The following HIBADH variants were observed in gnomAD, a reference collection of about 807,000 sequenced individuals.
The protein encoded by HIBADH is 3-hydroxyisobutyrate dehydrogenase.
HIBADH carries 25 observed loss-of-function variants against 36.1 expected under a neutral mutation model. The observed-to-expected ratio is 0.69, with a 90% CI of 0.50 to 0.97. HIBADH has a LOEUF of 0.97. HIBADH is among the 50% of genes least tolerant of loss of function. The probability of loss-of-function intolerance (pLI) is 0.00; values close to 1 mark genes in which losing one functional copy is unlikely to be tolerated. For missense variants in HIBADH, 421 were observed against 418.0 expected (o/e 1.01, Z -0.06); for synonymous variants, 160 against 149.5 (o/e 1.07, Z -0.51).
At chr7:27,553,149 T>C (rs1297053908) in intron 4 of HIBADH, among the ~76,000 whole-genome samples, 1 of 152,162 alleles carries the variant, frequency 6.6e-6, no homozygotes, top group Non-Finnish European at 1.5e-5. Context: ...AAAGCTGAGA[T>C]TCTTCAAAAT....
chr7:27,569,720 T>A (rs1784601757), intron 4 of HIBADH, among the ~76,000 whole-genome samples: 1 of 152,152 alleles, frequency 6.6e-6, no homozygotes, highest in South Asian at 2.1e-4. Flanking sequence ...TTGTACTTCC[T>A]GCAACTAGAT....
intron 4 of HIBADH, among the ~76,000 whole-genome samples, chr7:27,546,697 G>T (rs915875976): frequency 6.6e-6 from 1 of 152,170 alleles, no homozygotes; most frequent in South Asian, 2.1e-4. Context: ...GGAAAGACAA[G>T]AAATCTGCAT....
rs775314790 is a variant in HIBADH at position 27,570,609 on chromosome 7, C to T, written c.485-27509G>A. Among the ~76,000 whole-genome samples, 3 of 151,034 alleles carry T rather than the reference C, an allele frequency of 2.0e-5. No homozygotes were observed. In the East Asian group the frequency reaches 5.9e-4, roughly 29 times the overall value. On this transcript the variant is annotated intron_variant, in intron 4 of 7. Coordinates refer to ENST00000265395, the MANE Select transcript of HIBADH (RefSeq NM_152740.4). ...CTCCCCTCTGCCTTAAACGTGATGA[C>T]GGTTACACGACTATATATAGTTGTC...
At chr7:27,540,316 C>G (rs549727524) in intron 5 of HIBADH, among the ~76,000 whole-genome samples, 1 of 152,160 alleles carries the variant, frequency 6.6e-6, no homozygotes, top group Non-Finnish European at 1.5e-5. Flanking sequence ...TCCTCATCAT[C>G]TGGTACTGTT....
intron 2 of HIBADH, among the ~76,000 whole-genome samples, chr7:27,643,564 T>C (rs1009042038): frequency 1.3e-5 from 2 of 152,230 alleles, no homozygotes; most frequent in Admixed American, 6.5e-5. Flanking sequence ...TTGCCCAAGA[T>C]TGCACAGATA....
At position 27,613,956 on chromosome 7, in the gene HIBADH, G is replaced by A. The variant is rs758211235; in HGVS notation, c.484+15415C>T. Reference sequence around the variant, plus strand: ...ATTACAGGCGTAAGTCACTGCTCCCGGCCTAAATCTAGTGTTATTCTCTCT... The same window carrying A: ...ATTACAGGCGTAAGTCACTGCTCCCAGCCTAAATCTAGTGTTATTCTCTCT... On this transcript the variant is annotated intron_variant, in intron 4 of 7. Transcript: ENST00000265395. Among the ~76,000 whole-genome samples, 16 of 152,086 alleles carry A rather than the reference G, an allele frequency of 1.1e-4. No homozygotes were observed. In the East Asian group the frequency reaches 2.1e-3, roughly 20 times the overall value.
intron 7 of HIBADH, among the ~76,000 whole-genome samples, chr7:27,527,628 A>G (rs985881265): frequency 3.3e-5 from 5 of 152,286 alleles, no homozygotes; most frequent in South Asian, 4.1e-4. Context: ...GAGCAAGTCT[A>G]TCAGCACTGT....
intron 4 of HIBADH, among the ~76,000 whole-genome samples, chr7:27,601,881 A>T (rs1374028873): frequency 6.6e-6 from 1 of 152,076 alleles, no homozygotes; most frequent in East Asian, 1.9e-4. Context: ...GTTAGCTAAT[A>T]ATTCTTTCTA....
intron 4 of HIBADH, among the ~76,000 whole-genome samples, chr7:27,599,868 T>C (rs953342770): frequency 6.6e-6 from 1 of 151,804 alleles, no homozygotes; most frequent in African/African-American, 2.4e-5. Context: ...ATTGTATATA[T>C]TGTCTTATAA....
At chr7:27,656,204 A>G (rs1786301204) in intron 1 of HIBADH, among the ~76,000 whole-genome samples, 1 of 152,200 alleles carries the variant, frequency 6.6e-6, no homozygotes, top group African/African-American at 2.4e-5. Context: ...CTGTGTTCCA[A>G]TACAATTTTA....
At chr7:27,544,869 CAT>C (rs1248987618) in intron 4 of HIBADH, among the ~76,000 whole-genome samples, 1 of 152,164 alleles carries the variant, frequency 6.6e-6, no homozygotes, top group Admixed American at 6.5e-5. Context: ...TATTCAAACA[CAT>C]ATTTTAAAAA....
Position 27,526,256 on chromosome 7 carries a change from G to C in HIBADH, c.969C>G (p.Phe323Leu), listed in dbSNP as rs766937029. Residue 323 changes from phenylalanine (F) to leucine (L), a missense_variant, in exon 8 of 8, where the codon TTC becomes TTG. Physicochemically the swap from Phe to Leu is conservative, Grantham distance 22 (BLOSUM62 0). Coordinates refer to ENST00000265395, the MANE Select transcript of HIBADH (RefSeq NM_152740.4). ...CTCGTAGGAACTGGAACACGGATGA[G>C]AAGTCTTTCTTTGAGTAGCCCTTTG... ...MCAKGYSKKD[F>L]SSVFQFLREE... The C allele has an allele frequency of 1.2e-6, 2 of 1,613,018 alleles. No individual in the cohort carries two copies. The highest frequency in any genetic ancestry group is 2.2e-5 in the East Asian group (1 of 44,768).
At chr7:27,528,402 A>G (rs902053544) in intron 7 of HIBADH, among the ~76,000 whole-genome samples, 8 of 152,194 alleles carry the variant, frequency 5.3e-5, no homozygotes, top group African/African-American at 1.7e-4. Flanking sequence ...CATTAAAACA[A>G]ACAGTAGAAT....
chr7:27,650,997 T>C (rs543188043), intron 1 of HIBADH, among the ~76,000 whole-genome samples: 21 of 152,280 alleles, frequency 1.4e-4, no homozygotes, highest in South Asian at 1.2e-3. Context: ...CACAGTCTAG[T>C]GAGGGAAAAG....
chr7:27,545,110 T>A (rs1160363862), intron 4 of HIBADH, among the ~76,000 whole-genome samples: 1 of 152,134 alleles, frequency 6.6e-6, no homozygotes, highest in African/African-American at 2.4e-5. Context: ...CATATTCCTT[T>A]AATCATATAA....
At chr7:27,527,942 T>TTTTTTTTTTGTTTTTTTG (rs778059186) in intron 7 of HIBADH, among the ~76,000 whole-genome samples, 1 of 115,200 alleles carries the variant, frequency 8.7e-6, no homozygotes, top group Non-Finnish European at 2.0e-5. Context: ...TTTTTTTTTT[T>TTTTTTTTTTGTTTTTTTG]AGTAGAGACA....
rs563867144 is a variant in HIBADH, at chr7:27,615,080, T to C, written c.484+14291A>G. Among the ~76,000 whole-genome samples the C allele has an allele frequency of 4.0e-4, 61 of 152,316 alleles. 1 individual carries two copies. The highest frequency in any genetic ancestry group is 1.3e-3 in the African/African-American group (54 of 41,576). On this transcript the variant is annotated intron_variant, in intron 4 of 7. Coordinates refer to ENST00000265395, the MANE Select transcript of HIBADH (RefSeq NM_152740.4). Reference sequence around the variant, plus strand: ...AATAGCCTCTGAGGACTAGGAAATATGGCGATTCCCTGTTTTTACTACATG... The same window carrying C: ...AATAGCCTCTGAGGACTAGGAAATACGGCGATTCCCTGTTTTTACTACATG...
chr7:27,644,076 C>T (rs141623392), intron 2 of HIBADH, among the ~76,000 whole-genome samples: 2 of 152,118 alleles, frequency 1.3e-5, no homozygotes, highest in Admixed American at 6.5e-5. Flanking sequence ...ACATATAATT[C>T]GCATACAATT....
chr7:27,533,471 C>T (rs545785278), intron 6 of HIBADH, among the ~76,000 whole-genome samples: 23 of 152,208 alleles, frequency 1.5e-4, no homozygotes, highest in Middle Eastern at 3.4e-3. Flanking sequence ...CCACTTCCCT[C>T]CCCCTGCCCC....
Sources: gnomAD v4.1 joint callset for allele counts (sites outside exome capture counted in the v4.1 genomes callset) on GRCh38, gnomAD v4.1.1 for gene constraint, MANE v1.5 for transcripts, NCBI Gene and HGNC (gene_info 2026-07-23, HGNC 2026-07-21) for gene names.